KCNMB2: variants seen among roughly 807,000 people sequenced by gnomAD.
KCNMB2 encodes potassium calcium-activated channel subfamily M regulatory beta subunit 2.
A neutral mutation model predicts 24.5 loss-of-function variants in KCNMB2; 9 were observed. That is an observed-to-expected ratio of 0.37 (90% CI 0.22 to 0.64). The LOEUF (loss-of-function observed/expected upper bound fraction) is 0.64. Ranked by LOEUF, KCNMB2 falls within the 30% of genes least tolerant of loss-of-function variation. The probability of loss-of-function intolerance (pLI) is 0.63; values close to 1 mark genes in which losing one functional copy is unlikely to be tolerated. For missense variants in KCNMB2, 226 were observed against 284.3 expected (o/e 0.79, Z 1.47); for synonymous variants, 109 against 104.4 (o/e 1.04, Z -0.27).
intron 1 of KCNMB2, among the ~76,000 whole-genome samples, 190 bp from the exon 2 acceptor site, chr3:178,807,153 A>T (rs1714002767): frequency 6.6e-6 from 1 of 152,244 alleles, no homozygotes; most frequent in South Asian, 2.1e-4. Flanking sequence ...AGGAAGATTT[A>T]AAAAGATTGA....
rs114526876 is a variant in KCNMB2 at position 178,819,026 on chromosome 3, G to T, written c.57-6562G>T. ...TTAAATCAAGTTATGGTCCCTAACT[G>T]GCAGGCTTCCTAAACCACCTTTGAG... On this transcript the variant is annotated intron_variant, in intron 2 of 4. Transcript: ENST00000452583. Among the ~76,000 whole-genome samples the T allele has an allele frequency of 2.2e-3, 340 of 152,318 alleles. 1 individual carries two copies. The highest frequency in any genetic ancestry group is 7.4e-3 in the African/African-American group (309 of 41,576).
At chr3:178,559,845 T>C (rs1333269636) in intron 1 of KCNMB2, among the ~76,000 whole-genome samples, 3 of 150,514 alleles carry the variant, frequency 2.0e-5, no homozygotes, top group East Asian at 1.9e-4. Context: ...AAATTAGCCA[T>C]AATTTATTTT....
At chr3:178,600,428 G>A (rs1249926222) in intron 1 of KCNMB2, among the ~76,000 whole-genome samples, 3 of 152,120 alleles carry the variant, frequency 2.0e-5, no homozygotes, top group Admixed American at 2.0e-4. Context: ...TAGATAACCA[G>A]AAGTAGAATT....
chr3:178,628,285 C>T (rs574891730), intron 1 of KCNMB2, among the ~76,000 whole-genome samples: 2 of 152,108 alleles, frequency 1.3e-5, no homozygotes, highest in Non-Finnish European at 2.9e-5. Flanking sequence ...CTTGGTTTTC[C>T]TCTGTGAATA....
At chr3:178,761,912 C>G (rs931857492) in intron 1 of KCNMB2, among the ~76,000 whole-genome samples, 7 of 152,162 alleles carry the variant, frequency 4.6e-5, no homozygotes, top group African/African-American at 1.2e-4. Context: ...TGGTTCACGC[C>G]TGTAACCGCA....
intron 1 of KCNMB2, among the ~76,000 whole-genome samples, chr3:178,719,273 C>T (rs868830979): frequency 2.0e-5 from 3 of 152,200 alleles, no homozygotes; most frequent in Admixed American, 1.3e-4. Context: ...GGGCTTTCCT[C>T]TTATTACAGT....
At chr3:178,622,566 A>G (rs1190435966) in intron 1 of KCNMB2, among the ~76,000 whole-genome samples, 1 of 152,218 alleles carries the variant, frequency 6.6e-6, no homozygotes, top group Non-Finnish European at 1.5e-5. Context: ...AGTTATCTTA[A>G]AGACAACCCA....
intron 1 of KCNMB2, among the ~76,000 whole-genome samples, chr3:178,740,254 G>A (rs1723451505): frequency 6.6e-6 from 1 of 151,952 alleles, no homozygotes; most frequent in Non-Finnish European, 1.5e-5. Flanking sequence ...GAGTAGCTGG[G>A]ACTACAGGCA....
chr3:178,656,510 C>T (rs1424605023), intron 1 of KCNMB2, among the ~76,000 whole-genome samples: 4 of 152,132 alleles, frequency 2.6e-5, no homozygotes, highest in South Asian at 4.1e-4. Flanking sequence ...CGGTGGCTCA[C>T]GTTCATAATC....
chr3:178,699,679 C>T (rs538694254), intron 1 of KCNMB2, among the ~76,000 whole-genome samples: 3 of 152,174 alleles, frequency 2.0e-5, no homozygotes, highest in East Asian at 1.9e-4. Flanking sequence ...GACCACCCTG[C>T]GGAGATCAGA....
chr3:178,701,047 A>G (rs1255764878), intron 1 of KCNMB2, among the ~76,000 whole-genome samples: 1 of 152,184 alleles, frequency 6.6e-6, no homozygotes, highest in Non-Finnish European at 1.5e-5. Context: ...TATGTCCTGA[A>G]TGGTATTGCC....
At chr3:178,745,775 T>A (rs565722650) in intron 1 of KCNMB2, among the ~76,000 whole-genome samples, 156 of 152,316 alleles carry the variant, frequency 1.0e-3, no homozygotes, top group African/African-American at 3.5e-3. Flanking sequence ...ACAGGCCCCA[T>A]GCAAGTCTGA....
At chr3:178,633,076 T>C (rs1221541473) in intron 1 of KCNMB2, among the ~76,000 whole-genome samples, 1 of 152,204 alleles carries the variant, frequency 6.6e-6, no homozygotes, top group African/African-American at 2.4e-5. Flanking sequence ...TAGCCTCCCA[T>C]GGTCTTGGGC....
At chr3:178,826,117 T>C (rs1039173323) in intron 3 of KCNMB2, among the ~76,000 whole-genome samples, 1 of 152,128 alleles carries the variant, frequency 6.6e-6, no homozygotes, top group Non-Finnish European at 1.5e-5. Context: ...AGCCCACATC[T>C]CGCTTATTCC....
At chr3:178,539,492 C>T (rs1715543120) in intron 1 of KCNMB2, among the ~76,000 whole-genome samples, 2 of 152,078 alleles carry the variant, frequency 1.3e-5, no homozygotes, top group South Asian at 4.2e-4. Context: ...TTATCTCCAG[C>T]CCCTGTTGCC....
intron 1 of KCNMB2, among the ~76,000 whole-genome samples, chr3:178,611,697 T>C (rs1463376024): frequency 1.3e-5 from 2 of 151,390 alleles, no homozygotes; most frequent in Non-Finnish European, 2.9e-5. Flanking sequence ...AGAGCGAGAC[T>C]CTGTCTCACA....
chr3:178,605,148 C>G (rs529087316), intron 1 of KCNMB2, among the ~76,000 whole-genome samples: 107 of 152,188 alleles, frequency 7.0e-4, no homozygotes, highest in African/African-American at 2.2e-3. Flanking sequence ...GAAGCAAGAC[C>G]TTTGGTTGGT....
chr3:178,760,742 C>T (rs1711827465), intron 1 of KCNMB2, among the ~76,000 whole-genome samples: 1 of 151,218 alleles, frequency 6.6e-6, no homozygotes, highest in Admixed American at 6.6e-5. Context: ...TGAAATTGTC[C>T]CAAACAGCAG....
chr3:178,741,873 T>C (rs918731272), intron 1 of KCNMB2, among the ~76,000 whole-genome samples: 5 of 152,222 alleles, frequency 3.3e-5, no homozygotes, highest in African/African-American at 1.2e-4. Context: ...GCTCATAGGA[T>C]AGATTTAGTC....
Sources: allele counts gnomAD v4.1 joint callset (sites outside exome capture counted in the v4.1 genomes callset), GRCh38; gene constraint gnomAD v4.1.1; transcripts MANE v1.5; gene names NCBI Gene and HGNC (gene_info 2026-07-23, HGNC 2026-07-21).